Variants in PDE8B observed in about 807,000 individuals in gnomAD.
PDE8B encodes the protein phosphodiesterase 8B.
In PDE8B, 26 loss-of-function variants were observed where a neutral mutation model predicts 101.3. The observed-to-expected ratio is 0.26, with a 90% CI of 0.19 to 0.36. The LOEUF (loss-of-function observed/expected upper bound fraction) is 0.36, where lower values mean the gene tolerates loss of function less well. Ranked by LOEUF, PDE8B falls within the 10% of genes least tolerant of loss-of-function variation. The pLI, the probability that PDE8B is intolerant of heterozygous loss-of-function variation, is 1.00. For missense variants in PDE8B, 810 were observed against 1,163.1 expected, an observed-to-expected ratio of 0.70 and a Z score of 4.42; for synonymous variants, 424 against 429.3, an observed-to-expected ratio of 0.99 and a Z score of 0.15.
In PDE8B at chr5:77,349,513, G is replaced by A. The variant is rs770351038; in HGVS notation, c.971G>A (p.Arg324Gln). Residue 324 changes from arginine (R) to glutamine (Q), a missense_variant, in exon 8 of 22, where the codon CGG becomes CAG. Transcript: ENST00000264917. ...LADLPKSDKN[R>Q]ADLLDTINTC... is the part of the protein sequence containing the mutation. ...GATCTGCCCAAAAGCGATAAGAACC[G>A]GGCAGACCTTCTCGACACCATCAAT... is the stretch of plus-strand genomic sequence containing the variant. 1.7e-5 allele frequency: 28 copies of A among 1,613,998 alleles called. No individual in the cohort carries two copies. Among genetic ancestry groups the A allele is most frequent in the Non-Finnish European group, 1.9e-5 (23 of 1,180,026 alleles).
chr5:77,408,160 G>A (rs1053025059), intron 13 of PDE8B, among the ~76,000 whole-genome samples: 2 of 152,152 alleles, frequency 1.3e-5, no homozygotes, highest in Non-Finnish European at 2.9e-5. Flanking sequence ...GAAATGAATA[G>A]ATCAAGAAAT....
the PDE8B span, among the ~76,000 whole-genome samples, chr5:77,149,458 A>G: frequency 1.3e-5 from 2 of 152,266 alleles, no homozygotes; most frequent in South Asian, 2.1e-4. Context: ...TGAGGGGGGA[A>G]TTGCCATCTT....
chr5:77,419,691 G>GT, intron 18 of PDE8B, 76 bp from the exon 19 acceptor site: 2 of 1,545,514 alleles, frequency 1.3e-6, no homozygotes, highest in Non-Finnish European at 1.8e-6. Context: ...TGTGAGGAGT[G>GT]TAGTGAAATG....
chr5:77,113,335 A>T, the PDE8B span: 2 of 151,872 alleles, frequency 1.3e-5, no homozygotes, highest in Admixed American at 1.3e-4. Flanking sequence ...AATGGAACAG[A>T]ACAGAGGCCT....
the PDE8B span, among the ~76,000 whole-genome samples, chr5:77,157,941 G>T: frequency 7.9e-5 from 12 of 152,270 alleles, no homozygotes; most frequent in South Asian, 2.5e-3. Flanking sequence ...TCAATCAGAC[G>T]GTATTTACAG....
At chr5:77,291,181 C>T (rs1174717319) in intron 1 of PDE8B, 12 of 1,610,430 alleles carry the variant, frequency 7.5e-6, no homozygotes, top group South Asian at 6.6e-5. Context: ...TGTACCACTG[C>T]GAGGCGACTG....
upstream of PDE8B, among the ~76,000 whole-genome samples, chr5:77,209,670 C>T (rs1315897649): frequency 6.6e-6 from 1 of 152,116 alleles, no homozygotes; most frequent in African/African-American, 2.4e-5. Context: ...CATGCCTCAC[C>T]AAGGAGAATG....
chr5:77,322,026 A>T (rs1775191434), intron 2 of PDE8B, among the ~76,000 whole-genome samples: 1 of 152,180 alleles, frequency 6.6e-6, no homozygotes. Flanking sequence ...CCCGGGCAAG[A>T]GCCTCCACTG....
Position 77,211,587 on chromosome 5 carries a change from A to G in PDE8B, c.339+323A>G, listed in dbSNP as rs565975282. ...GCTGTGGCTTGGTTTATGCAGGAAG[A>G]GGGGTGGGGACCATTGAGAGCATTC... On this transcript the variant is annotated intron_variant, in intron 1 of 21. Coordinates refer to ENST00000264917, the MANE Select transcript of PDE8B (RefSeq NM_003719.5). This position sits in a 1 kb window ranked among gnomAD's most constrained non-coding sequence, Gnocchi z 4.1. Among the ~76,000 whole-genome samples, 13 of 152,196 alleles carry G rather than the reference A, an allele frequency of 8.5e-5. No homozygotes were observed. The highest frequency in any genetic ancestry group is 2.9e-5 in the Non-Finnish European group (2 of 68,008).
chr5:77,132,299 C>A, the PDE8B span, among the ~76,000 whole-genome samples: 1 of 152,130 alleles, frequency 6.6e-6, no homozygotes, highest in Non-Finnish European at 1.5e-5. Flanking sequence ...ATATTGCTAA[C>A]TAATATGTGC....
At chr5:77,310,492 A>T (rs1261319366) in intron 1 of PDE8B, among the ~76,000 whole-genome samples, 1 of 152,260 alleles carries the variant, frequency 6.6e-6, no homozygotes, top group Admixed American at 6.5e-5. Context: ...AAAGAAGAGT[A>T]AGAGAAGTCC....
the PDE8B span, among the ~76,000 whole-genome samples, chr5:77,177,063 C>T: frequency 6.6e-6 from 1 of 151,620 alleles, no homozygotes; most frequent in Non-Finnish European, 1.5e-5. Flanking sequence ...TCCTTTTTCT[C>T]TCTCCCTTCT....
intron 5 of PDE8B, among the ~76,000 whole-genome samples, chr5:77,336,049 G>A (rs1452385194): frequency 6.6e-6 from 1 of 152,146 alleles, no homozygotes; most frequent in Non-Finnish European, 1.5e-5. Context: ...CTTTAAACGC[G>A]GGACTTGAGC....
At chr5:77,406,947 C>A (rs934441865) in intron 12 of PDE8B, among the ~76,000 whole-genome samples, 2 of 152,188 alleles carry the variant, frequency 1.3e-5, no homozygotes, top group South Asian at 4.1e-4. Context: ...CTGACCCTAA[C>A]CATGAACTGC....
intron 7 of PDE8B, among the ~76,000 whole-genome samples, chr5:77,346,950 C>T (rs2150408205): frequency 6.6e-6 from 1 of 152,202 alleles, no homozygotes; most frequent in Non-Finnish European, 1.5e-5. Flanking sequence ...CAGGGCACTC[C>T]AATCAAATAG....
At chr5:77,237,625 C>G (rs2149522729) in intron 1 of PDE8B, among the ~76,000 whole-genome samples, 1 of 152,238 alleles carries the variant, frequency 6.6e-6, no homozygotes, top group East Asian at 1.9e-4. Flanking sequence ...GTCAAACATA[C>G]TTTAAAGAAT....
chr5:77,311,948 G>C (rs769124338), intron 1 of PDE8B, 46 bp from the exon 2 acceptor site: 1 of 1,445,666 alleles, frequency 6.9e-7, no homozygotes, highest in South Asian at 1.1e-5. Flanking sequence ...GTATCCATTT[G>C]TGTAGTTTAA....
Position 77,278,638 on chromosome 5 carries a change from T to G in PDE8B, c.340-33356T>G, listed in dbSNP as rs1286118983. 4.6e-5 allele frequency among the ~76,000 whole-genome samples: 7 copies of G among 152,052 alleles called. No homozygotes were observed. The East Asian group carries it at 1.4e-3, about 29-fold the overall frequency. Reference sequence around the variant, plus strand: ...GCACCTGCCACCACGCCCGGCTAATTTTTTGTGTTTTTAGTAGAGACGGGG... The same window carrying G: ...GCACCTGCCACCACGCCCGGCTAATGTTTTGTGTTTTTAGTAGAGACGGGG... On this transcript the variant is annotated intron_variant, in intron 1 of 21. Coordinates refer to ENST00000264917, the MANE Select transcript of PDE8B (RefSeq NM_003719.5).
At chr5:77,367,839 A>G (rs552117956) in intron 10 of PDE8B, among the ~76,000 whole-genome samples, 1 of 152,030 alleles carries the variant, frequency 6.6e-6, no homozygotes, top group Admixed American at 6.5e-5. Flanking sequence ...GGGAAGTTCT[A>G]CCGTTTTCTA....
Sources: allele counts gnomAD v4.1 joint callset (sites outside exome capture counted in the v4.1 genomes callset), GRCh38; gene constraint gnomAD v4.1.1; non-coding constraint Gnocchi (gnomAD v3.1); transcripts MANE v1.5; gene names NCBI Gene and HGNC (gene_info 2026-07-23, HGNC 2026-07-21).